The following QTMAN variants were observed in gnomAD, a reference collection of about 807,000 sequenced individuals.
The protein encoded by QTMAN is queuosine-tRNA mannosyltransferase.
At chr2:144,140,769 A>G in the QTMAN span, among the ~76,000 whole-genome samples, 6 of 152,052 alleles carry the variant, frequency 3.9e-5, no homozygotes, top group Non-Finnish European at 8.8e-5. Flanking sequence ...AGTCTGTGAC[A>G]ACGACAAGGT....
the QTMAN span, among the ~76,000 whole-genome samples, chr2:144,050,586 A>T: frequency 6.6e-6 from 1 of 152,180 alleles, no homozygotes; most frequent in Non-Finnish European, 1.5e-5. Context: ...TACAATTTGA[A>T]ATCAGACACA....
chr2:143,942,059 G>A, the QTMAN span: 2 of 165,806 alleles, frequency 1.2e-5, no homozygotes, highest in African/African-American at 2.4e-5. Context: ...ATATTCCTAG[G>A]GGTCACATCT....
chr2:144,020,995 T>C, the QTMAN span, among the ~76,000 whole-genome samples: 1 of 144,468 alleles, frequency 6.9e-6, no homozygotes, highest in Non-Finnish European at 1.5e-5. Flanking sequence ...AAAACAAAAA[T>C]AAGGAGGATG....
chr2:144,144,082 G>A, the QTMAN span, among the ~76,000 whole-genome samples: 1 of 151,864 alleles, frequency 6.6e-6, no homozygotes, highest in African/African-American at 2.4e-5. Flanking sequence ...TTGTCTATAA[G>A]TTTACCCTCT....
chr2:144,026,922 T>C, the QTMAN span, among the ~76,000 whole-genome samples: 1 of 152,202 alleles, frequency 6.6e-6, no homozygotes, highest in South Asian at 2.1e-4. Context: ...CAGCATAGTA[T>C]TCCAGAATAA....
At chr2:144,246,401 G>A in the QTMAN span, among the ~76,000 whole-genome samples, 4 of 149,886 alleles carry the variant, frequency 2.7e-5, no homozygotes, top group East Asian at 2.0e-4. Context: ...GTGAAACCCC[G>A]TCTCTACTAA....
At chr2:144,107,097 A>G in the QTMAN span, among the ~76,000 whole-genome samples, 2 of 152,226 alleles carry the variant, frequency 1.3e-5, no homozygotes, top group African/African-American at 2.4e-5. Context: ...TCTGGGACAC[A>G]TTTAAAGCAG....
chr2:144,044,325 T>C, the QTMAN span, among the ~76,000 whole-genome samples: 3 of 152,200 alleles, frequency 2.0e-5, no homozygotes, highest in Admixed American at 2.0e-4. Context: ...CAATCTAATA[T>C]TATTAGAATA....
At chr2:144,248,795 T>C in the QTMAN span, among the ~76,000 whole-genome samples, 2 of 152,032 alleles carry the variant, frequency 1.3e-5, no homozygotes, top group African/African-American at 4.8e-5. Flanking sequence ...AGAGGGATAA[T>C]AGTCATATAA....
At chr2:144,207,824 A>G in the QTMAN span, among the ~76,000 whole-genome samples, 1 of 151,932 alleles carries the variant, frequency 6.6e-6, no homozygotes, top group African/African-American at 2.4e-5. Context: ...TGTGTCCCAT[A>G]AGACTCTTTT....
the QTMAN span, among the ~76,000 whole-genome samples, chr2:143,983,436 T>C: frequency 1.3e-5 from 2 of 151,906 alleles, no homozygotes; most frequent in Admixed American, 1.3e-4. Context: ...TAATCAGTTA[T>C]CTATAATAAA....
the QTMAN span, among the ~76,000 whole-genome samples, chr2:144,198,448 G>GA: frequency 3.9e-5 from 6 of 152,124 alleles, no homozygotes; most frequent in Middle Eastern, 3.2e-3. Context: ...TAGAGCTTCT[G>GA]AAAAAAGAGG....
the QTMAN span, among the ~76,000 whole-genome samples, chr2:144,232,854 T>C: frequency 3.3e-5 from 5 of 152,182 alleles, no homozygotes; most frequent in African/African-American, 9.6e-5. Context: ...CTCTTTAAAA[T>C]TCATTATGCC....
the QTMAN span, among the ~76,000 whole-genome samples, chr2:144,056,924 G>A: frequency 3.3e-5 from 5 of 152,304 alleles, no homozygotes; most frequent in East Asian, 3.9e-4. Context: ...AACATTTTGC[G>A]ATAGCAAAAC....
chr2:144,246,506 G>A, the QTMAN span, among the ~76,000 whole-genome samples: 1 of 147,456 alleles, frequency 6.8e-6, no homozygotes. Context: ...CCGGGAAGCG[G>A]AGCTTGCCGT....
chr2:144,073,583 C>T, the QTMAN span, among the ~76,000 whole-genome samples: 1 of 152,108 alleles, frequency 6.6e-6, no homozygotes, highest in African/African-American at 2.4e-5. Flanking sequence ...CATGAGTGGG[C>T]AGGAGAAAGC....
chr2:144,120,869 T>C, the QTMAN span, among the ~76,000 whole-genome samples: 1 of 152,174 alleles, frequency 6.6e-6, no homozygotes, highest in Non-Finnish European at 1.5e-5. Flanking sequence ...TAGTGTTTCA[T>C]CTTCGTTACA....
At chr2:144,105,894 A>C in the QTMAN span, among the ~76,000 whole-genome samples, 2 of 152,234 alleles carry the variant, frequency 1.3e-5, no homozygotes, top group African/African-American at 4.8e-5. Context: ...CATTAGACTA[A>C]CAGTGAATCT....
chr2:144,104,413 G>A, the QTMAN span, among the ~76,000 whole-genome samples: 7 of 152,274 alleles, frequency 4.6e-5, no homozygotes, highest in South Asian at 2.1e-4. Context: ...CCACCCTAAC[G>A]CTGCACTTTT....
Sources: gnomAD v4.1 joint callset for allele counts (sites outside exome capture counted in the v4.1 genomes callset) on GRCh38, gnomAD v4.1.1 for gene constraint, MANE v1.5 for transcripts, NCBI Gene and HGNC (gene_info 2026-07-23, HGNC 2026-07-21) for gene names.